Variants in PIBF1 observed in about 807,000 individuals in gnomAD.
PIBF1 encodes progesterone-induced-blocking factor 1.
In PIBF1, 90 loss-of-function variants were observed where a neutral mutation model predicts 112.5. That is an observed-to-expected ratio of 0.80 (90% CI 0.67 to 0.95). The LOEUF is 0.95. Ranked by LOEUF, PIBF1 falls within the 40% of genes least tolerant of loss-of-function variation. The pLI is 0.00. For missense variants in PIBF1, 915 were observed against 852.3 expected, an observed-to-expected ratio of 1.07 and a Z score of -0.92; for synonymous variants, 301 against 288.6, an observed-to-expected ratio of 1.04 and a Z score of -0.44.
At chr13:72,870,242 A>G (rs754317157) in intron 10 of PIBF1, among the ~76,000 whole-genome samples, 1 of 152,214 alleles carries the variant, frequency 6.6e-6, no homozygotes, top group Non-Finnish European at 1.5e-5. Flanking sequence ...TCTTTAATGT[A>G]TAGATGAACC....
intron 11 of PIBF1, among the ~76,000 whole-genome samples, chr13:72,901,437 C>T (rs1298897428): frequency 6.6e-6 from 1 of 152,132 alleles, no homozygotes; most frequent in Non-Finnish European, 1.5e-5. Flanking sequence ...GCCTGTAATC[C>T]CAACACTTTG....
chr13:72,835,317 A>G lies in PIBF1; in HGVS notation c.1172A>G (p.Glu391Gly). Reference sequence around the variant, plus strand: ...CAAATCAGATTGAAAACCAACCAAGAAATTGATCAACTTCGAAATGCCTCT... The same window carrying G: ...CAAATCAGATTGAAAACCAACCAAGGAATTGATCAACTTCGAAATGCCTCT... ...LEQIRLKTNQEIDQLRNASRE... is the reference protein window; with the variant it reads ...LEQIRLKTNQGIDQLRNASRE... The change falls in exon 9 of 18, where the codon GAA becomes GGA. Residue 391 changes from glutamate to glycine, a missense_variant. Glu to Gly is a moderately conservative substitution (Grantham distance 98). Transcript: ENST00000326291. 1 of 1,598,890 alleles carries G rather than the reference A, an allele frequency of 6.3e-7. No individual in the cohort carries two copies. Among genetic ancestry groups the G allele is most frequent in the Non-Finnish European group, 8.5e-7 (1 of 1,173,976 alleles).
chr13:72,941,435 T>C (rs1414083209), intron 14 of PIBF1, among the ~76,000 whole-genome samples: 2 of 152,146 alleles, frequency 1.3e-5, no homozygotes, highest in African/African-American at 4.8e-5. Context: ...TGATATATGC[T>C]CTCCTTCTAG....
intron 14 of PIBF1, among the ~76,000 whole-genome samples, chr13:72,960,134 A>G (rs1020506170): frequency 1.3e-5 from 2 of 152,230 alleles, no homozygotes; most frequent in Non-Finnish European, 2.9e-5. Flanking sequence ...AAAGAAATGT[A>G]TCTGTAACAC....
chr13:72,970,579 T>C (rs892580662), intron 15 of PIBF1: 2 of 152,182 alleles, frequency 1.3e-5, no homozygotes, highest in African/African-American at 4.8e-5. Flanking sequence ...AACATGAATT[T>C]CTAAGTAATA....
At chr13:72,888,661 A>T (rs187497819) in intron 10 of PIBF1, among the ~76,000 whole-genome samples, 2 of 152,274 alleles carry the variant, frequency 1.3e-5, no homozygotes, top group East Asian at 3.9e-4. Context: ...ATTGTGGTCT[A>T]TTATATAGCA....
intron 13 of PIBF1, among the ~76,000 whole-genome samples, chr13:72,918,774 G>C (rs1482404040): frequency 9.3e-5 from 14 of 150,228 alleles, no homozygotes; most frequent in African/African-American, 3.4e-4. Context: ...CACGATCTCA[G>C]CTCACTGCAA....
Position 72,798,716 on chromosome 13 carries a change from AT to A in PIBF1, c.672+691del, listed in dbSNP as rs150282607. Among the ~76,000 whole-genome samples, 1,013 of 152,326 alleles carry A rather than the reference AT, an allele frequency of 6.7e-3. 15 individuals are homozygous for A. Among genetic ancestry groups the A allele is most frequent in the African/African-American group, 0.022 (911 of 41,576 alleles). On this transcript the variant is annotated intron_variant, in intron 5 of 17. Transcript: ENST00000326291. ...GTAGTTATAGTCTACTAACAAAAAAATAATGGTAGATTGATTCATTCTACCA... is the reference window on the plus strand; with the variant it reads ...GTAGTTATAGTCTACTAACAAAAAAAAATGGTAGATTGATTCATTCTACCA...
Position 72,799,097 on chromosome 13 carries a change from T to A in PIBF1, c.672+1071T>A, listed in dbSNP as rs2035339140. Among the ~76,000 whole-genome samples, 4 of 152,322 alleles carry A rather than the reference T, an allele frequency of 2.6e-5. No individual in the cohort carries two copies. The South Asian group carries it at 8.3e-4, about 32-fold the overall frequency. On this transcript the variant is annotated intron_variant, in intron 5 of 17. Transcript: ENST00000326291. The stretch of plus-strand genomic sequence containing the variant: ...AACGTTAGGTGATATTTTGACACTC[T>A]CATTTACTGTGTGACCATGACCAGG...
intron 10 of PIBF1, among the ~76,000 whole-genome samples, chr13:72,881,667 G>A (rs2039642364): frequency 6.7e-6 from 1 of 149,976 alleles, no homozygotes. Context: ...AGTGAGCCGA[G>A]CTAATGCCAT....
At chr13:72,850,618 C>T (rs1456585125) in intron 9 of PIBF1, among the ~76,000 whole-genome samples, 2 of 152,190 alleles carry the variant, frequency 1.3e-5, no homozygotes, top group East Asian at 3.8e-4. Flanking sequence ...ATGTGCTCTA[C>T]TTGTAATTGT....
At chr13:72,961,033 T>C (rs188300548) in intron 14 of PIBF1, among the ~76,000 whole-genome samples, 17 of 148,466 alleles carry the variant, frequency 1.1e-4, no homozygotes, top group Admixed American at 9.9e-4. Flanking sequence ...TTCATTTCCT[T>C]CTTTTTTTTT....
chr13:73,006,777 C>T (rs1027970332), intron 17 of PIBF1, among the ~76,000 whole-genome samples: 10 of 152,150 alleles, frequency 6.6e-5, no homozygotes, highest in Admixed American at 2.0e-4. Context: ...TATATATTAA[C>T]GTTTTAGCTG....
chr13:72,853,800 A>T (rs988323005), intron 9 of PIBF1, among the ~76,000 whole-genome samples: 1 of 152,158 alleles, frequency 6.6e-6, no homozygotes, highest in South Asian at 2.1e-4. Flanking sequence ...ATAAATTACT[A>T]TATATACAAA....
At position 72,795,341 on chromosome 13, in the gene PIBF1, A is replaced by G. The variant is rs771676570; in HGVS notation, c.354-18A>G. 24 of 1,477,868 alleles carry G rather than the reference A, an allele frequency of 1.6e-5. No individual in the cohort carries two copies. The East Asian group carries it at 5.2e-4, about 32-fold the overall frequency. 91.5% of individuals were successfully genotyped at this position (1,477,868 alleles called of 1,614,324 possible). A position where few individuals can be genotyped will look rare whatever the true frequency, so the allele number is the denominator to read the frequency against. ...AAATACTTTTTTAAAGCCTGCCATA[A>G]ATTCTCTTCTAATGTAGCAAATATC... On this transcript the variant is annotated intron_variant, in intron 3 of 17. Coordinates refer to ENST00000326291, the MANE Select transcript of PIBF1 (RefSeq NM_006346.4).
chr13:72,910,881 A>G (rs760748310), intron 12 of PIBF1, among the ~76,000 whole-genome samples: 12 of 152,210 alleles, frequency 7.9e-5, no homozygotes, highest in Non-Finnish European at 1.2e-4. Context: ...AAGAGAAATT[A>G]AAGAACCACT....
At chr13:72,964,851 C>G (rs1239465312) in intron 14 of PIBF1, among the ~76,000 whole-genome samples, 2 of 152,136 alleles carry the variant, frequency 1.3e-5, no homozygotes, top group Non-Finnish European at 2.9e-5. Flanking sequence ...CACCTGAGGT[C>G]AGGAGTTCAA....
chr13:72,784,651 TC>T (rs1054897596), intron 2 of PIBF1, among the ~76,000 whole-genome samples: 21 of 150,856 alleles, frequency 1.4e-4, no homozygotes, highest in African/African-American at 5.1e-4. Flanking sequence ...CCCAGCTACT[TC>T]CGAGGCTGAG....
At chr13:72,957,671 AT>A (rs1311277431) in intron 14 of PIBF1, among the ~76,000 whole-genome samples, 2 of 152,150 alleles carry the variant, frequency 1.3e-5, no homozygotes, top group East Asian at 3.9e-4. Context: ...AAATAAAAAA[AT>A]AATAATAAAA....
Sources: gnomAD v4.1 joint callset for allele counts (sites outside exome capture counted in the v4.1 genomes callset) on GRCh38, gnomAD v4.1.1 for gene constraint, MANE v1.5 for transcripts, NCBI Gene and HGNC (gene_info 2026-07-23, HGNC 2026-07-21) for gene names.